Variants in MYH16 observed in about 807,000 individuals in gnomAD.
MYH16 encodes myosin heavy chain 16.
chr7:99,268,807 A>G (rs1350182249), intron 18 of MYH16, among the ~76,000 whole-genome samples: 3 of 152,170 alleles, frequency 2.0e-5, no homozygotes, highest in Admixed American at 1.3e-4. Context: ...CTACCTTGCG[A>G]TGTCTAGCTC....
chr7:99,307,784 A>G (rs769248218), downstream of MYH16, among the ~76,000 whole-genome samples: 3 of 152,066 alleles, frequency 2.0e-5, no homozygotes, highest in Non-Finnish European at 4.4e-5. Context: ...GCTGGAGTGC[A>G]GTGGTGGGAT....
rs79411523 is a variant in MYH16 at position 99,285,210 on chromosome 7, C to T, written n.3317-172C>T. Among the ~76,000 whole-genome samples the T allele has an allele frequency of 6.9e-3, 1,053 of 152,354 alleles. 10 individuals are homozygous for T. Among genetic ancestry groups the T allele is most frequent in the Non-Finnish European group, 9.6e-3 (651 of 68,036 alleles). ...GGCTGGGTGTCACACATGCCAGGCCCCCTCCTGCCTGCCCCGGCACCTTTG... is the reference window on the plus strand; with the variant it reads ...GGCTGGGTGTCACACATGCCAGGCCTCCTCCTGCCTGCCCCGGCACCTTTG... On this transcript the variant is annotated intron_variant and non_coding_transcript_variant, in intron 26 of 41. Coordinates refer to ENST00000439784, the Ensembl canonical transcript of MYH16.
At chr7:99,295,836 G>C (rs1456519004) in intron 33 of MYH16, among the ~76,000 whole-genome samples, 1 of 56,790 alleles carries the variant, frequency 1.8e-5, no homozygotes, top group Non-Finnish European at 3.3e-5. Context: ...TCATCTCTTG[G>C]AAAAAAAAAA....
intron 1 of MYH16, among the ~76,000 whole-genome samples, chr7:99,239,863 T>C (rs1202174525): frequency 6.6e-6 from 1 of 151,982 alleles, no homozygotes; most frequent in East Asian, 1.9e-4. Context: ...GACTATGAGA[T>C]ATGACTTGAG....
chr7:99,298,973 T>A (rs1490883648), intron 36 of MYH16, among the ~76,000 whole-genome samples: 1 of 151,936 alleles, frequency 6.6e-6, no homozygotes, highest in Admixed American at 6.6e-5. Flanking sequence ...ACGCCTGTAA[T>A]CCTAGCACTT....
intron 2 of MYH16, among the ~76,000 whole-genome samples, chr7:99,243,977 T>C (rs992527277): frequency 1.5e-4 from 22 of 148,252 alleles, no homozygotes; most frequent in Non-Finnish European, 2.7e-4. Context: ...ATCCAAACAT[T>C]CATCCATCCA....
exon 29 of MYH16, chr7:99,287,978 C>T (rs1193006884): frequency 2.2e-6 from 1 of 456,644 alleles, no homozygotes; most frequent in East Asian, 6.9e-5. Context: ...AGGCGACGGC[C>T]TCCACACTGC....
At chr7:99,275,856 C>T (rs1381124655) in intron 20 of MYH16, among the ~76,000 whole-genome samples, 3 of 152,190 alleles carry the variant, frequency 2.0e-5, no homozygotes, top group East Asian at 1.9e-4. Context: ...CTCAACCTCC[C>T]GAGTAGCTGG....
At chr7:99,308,187 C>T (rs1459944056), downstream of MYH16, among the ~76,000 whole-genome samples, 3 of 148,792 alleles carry the variant, frequency 2.0e-5, no homozygotes, top group Non-Finnish European at 3.0e-5. Context: ...CCCAGCTGCT[C>T]GGGAGGCTGA....
intron 18 of MYH16, among the ~76,000 whole-genome samples, chr7:99,270,165 TG>T (rs1792031097): frequency 6.6e-6 from 1 of 151,592 alleles, no homozygotes; most frequent in Non-Finnish European, 1.5e-5. Context: ...GTGCCTGGCC[TG>T]GGGGGATTTT....
At chr7:99,291,374 A>G (rs781781405) in exon 31 of MYH16, 1 of 456,606 alleles carries the variant, frequency 2.2e-6, no homozygotes, top group African/African-American at 2.0e-5. Flanking sequence ...AGCCGGCTCA[A>G]TCAAATCCTA....
At chr7:99,245,527 G>T (rs1354293304) in intron 2 of MYH16, among the ~76,000 whole-genome samples, 1 of 151,950 alleles carries the variant, frequency 6.6e-6, no homozygotes. Flanking sequence ...TTTTTCTGGG[G>T]TTTTTTGTTT....
intron 30 of MYH16, among the ~76,000 whole-genome samples, chr7:99,290,018 C>G (rs754191389): frequency 1.3e-5 from 2 of 152,046 alleles, no homozygotes; most frequent in African/African-American, 2.4e-5. Flanking sequence ...AAGTTAATTT[C>G]TAACTTTGCA....
intron 1 of MYH16, among the ~76,000 whole-genome samples, chr7:99,241,601 AAAAC>A (rs774074396): frequency 8.5e-5 from 13 of 152,096 alleles, no homozygotes; most frequent in African/African-American, 1.7e-4. Flanking sequence ...CAACAAAACA[AAAAC>A]AAACAAACAA....
In MYH16 at chr7:99,241,869, T is replaced by TG. The variant is rs1194689333; in HGVS notation, n.211-1409_211-1408insG. Among the ~76,000 whole-genome samples, 18 of 151,188 alleles carry TG rather than the reference T, an allele frequency of 1.2e-4. No individual in the cohort carries two copies. In the East Asian group the frequency reaches 2.3e-3, roughly 20 times the overall value. The stretch of plus-strand genomic sequence containing the variant: ...TAAGAGCTGGCACTAGTTTTTTTTT[T>TG]TTGTTTAGTTTTGTTTTGTCTTGCA... On this transcript the variant is annotated intron_variant and non_coding_transcript_variant, in intron 1 of 41. Transcript: ENST00000439784.
downstream of MYH16, among the ~76,000 whole-genome samples, chr7:99,309,573 G>A (rs114563900): frequency 0.012 from 1,768 of 152,320 alleles, 39 homozygotes; most frequent in African/African-American, 0.04. Flanking sequence ...AAACCTGAAA[G>A]GGATCCCTCC....
At chr7:99,246,285 G>A (rs971715336) in intron 2 of MYH16, among the ~76,000 whole-genome samples, 1 of 151,822 alleles carries the variant, frequency 6.6e-6, no homozygotes, top group Non-Finnish European at 1.5e-5. Context: ...GTCAAACCCA[G>A]CTGCCACAAG....
chr7:99,240,213 G>A (rs554053541), intron 1 of MYH16, among the ~76,000 whole-genome samples: 2 of 151,966 alleles, frequency 1.3e-5, no homozygotes, highest in African/African-American at 2.4e-5. Flanking sequence ...AGGATCAAGG[G>A]CACTTTAGGT....
intron 20 of MYH16, among the ~76,000 whole-genome samples, chr7:99,274,239 C>T (rs187730126): frequency 8.5e-4 from 129 of 152,360 alleles, no homozygotes; most frequent in Admixed American, 1.6e-3. Context: ...AGGCAGGAGG[C>T]CACCAGCCAT....
Sources: allele counts gnomAD v4.1 joint callset (sites outside exome capture counted in the v4.1 genomes callset), GRCh38; gene constraint gnomAD v4.1.1; transcripts MANE v1.5; gene names NCBI Gene and HGNC (gene_info 2026-07-23, HGNC 2026-07-21).